The following ECT2 variants were observed in gnomAD, a reference collection of about 807,000 sequenced individuals.
The protein encoded by ECT2 is protein ECT2.
ECT2 carries 61 observed loss-of-function variants against 116.9 expected under a neutral mutation model. The ratio of observed to expected loss-of-function variants is 0.52; its 90% CI spans 0.42 to 0.65. The LOEUF is 0.65. Among genes scored for constraint, ECT2 ranks in the 30% least tolerant of loss-of-function variants. The pLI is 0.00. For missense variants in ECT2, 937 were observed against 1,078.7 expected (o/e 0.87, Z 1.84); for synonymous variants, 358 against 346.4 (o/e 1.03, Z -0.37).
At chr3:172,754,764 C>G (rs1394453533) in intron 2 of ECT2, 104 bp downstream of exon 2, 1 of 814,514 alleles carries the variant, frequency 1.2e-6, no homozygotes, top group Non-Finnish European at 1.9e-6. Flanking sequence ...AATGCTAGAG[C>G]ACAGGTATTA....
intron 18 of ECT2, among the ~76,000 whole-genome samples, chr3:172,789,921 C>G (rs896603314): frequency 2.0e-5 from 3 of 152,212 alleles, no homozygotes; most frequent in African/African-American, 7.2e-5. Flanking sequence ...TTGAACCCCT[C>G]AAAGTCATCC....
chr3:172,799,640 C>T (rs144861775), intron 18 of ECT2, among the ~76,000 whole-genome samples: 1 of 152,288 alleles, frequency 6.6e-6, no homozygotes, highest in Non-Finnish European at 1.5e-5. Flanking sequence ...GCATTCTTTG[C>T]TTTAATTCAA....
rs1715610018 is a variant in ECT2 at position 172,750,804 on chromosome 3, G to A, written c.-76G>A. 1 of 153,090 alleles carries A rather than the reference G, an allele frequency of 6.5e-6. No homozygotes were observed. The highest frequency in any genetic ancestry group is 6.5e-5 in the Admixed American group (1 of 15,298). The allele number at this position is 153,090 out of a possible 1,614,324, so 9.5% of individuals were successfully genotyped here. On this transcript the variant is annotated 5_prime_UTR_variant, in exon 1 of 25. The change creates a new upstream start codon in the 5' untranslated region. Coordinates refer to ENST00000392692, the MANE Select transcript of ECT2 (RefSeq NM_001258315.2). ...CCGCCGGCGAGGAATGGCGGTATTT[G>A]TGAGAGGAGTCGGCGTTTGAAGAGG... is the stretch of plus-strand genomic sequence containing the variant.
In ECT2 at chr3:172,810,647, G is replaced by A. The variant is rs75323491; in HGVS notation, c.2400+2723G>A. Among the ~76,000 whole-genome samples the A allele has an allele frequency of 8.1e-3, 1,237 of 152,220 alleles. 15 individuals carry two copies. The highest frequency in any genetic ancestry group is 0.045 in the South Asian group (215 of 4,816). On this transcript the variant is annotated intron_variant, in intron 22 of 24. Coordinates refer to ENST00000392692, the MANE Select transcript of ECT2 (RefSeq NM_001258315.2). ...GGCACAGGCTAAAGGGAGGGGACAC[G>A]TGATAGTAGATAGGATCTGGGGGTT...
chr3:172,783,527 T>G (rs1484935737), intron 15 of ECT2, among the ~76,000 whole-genome samples: 1 of 152,184 alleles, frequency 6.6e-6, no homozygotes, highest in African/African-American at 2.4e-5. Flanking sequence ...TTGTCATGTT[T>G]GTATCAATAC....
At chr3:172,813,339 T>C (rs775957743) in intron 22 of ECT2, among the ~76,000 whole-genome samples, 32 of 152,054 alleles carry the variant, frequency 2.1e-4, no homozygotes, top group Non-Finnish European at 4.3e-4. Flanking sequence ...CAATTGTTTT[T>C]ACAAATCACA....
intron 1 of ECT2, 199 bp from the exon 2 acceptor site, chr3:172,754,310 A>T: frequency 2.5e-6 from 1 of 406,778 alleles, no homozygotes; most frequent in Non-Finnish European, 4.4e-6. Context: ...TTTTTATTAT[A>T]TTCCTGTGAG....
intron 18 of ECT2, among the ~76,000 whole-genome samples, chr3:172,789,194 A>G (rs947818912): frequency 2.7e-5 from 4 of 149,898 alleles, no homozygotes; most frequent in African/African-American, 9.8e-5. Context: ...TGGCTGTGGT[A>G]ATTGCTTCTC....
At chr3:172,803,537 A>G (rs1727105483) in intron 20 of ECT2, among the ~76,000 whole-genome samples, 1 of 152,194 alleles carries the variant, frequency 6.6e-6, no homozygotes, top group African/African-American at 2.4e-5. Flanking sequence ...AGCAAATTGA[A>G]TTACATGTGT....
intron 13 of ECT2, among the ~76,000 whole-genome samples, chr3:172,771,766 T>G (rs915848902): frequency 1.3e-5 from 2 of 152,196 alleles, no homozygotes; most frequent in Non-Finnish European, 2.9e-5. Context: ...GGGAGAGATT[T>G]TGAAGATCTG....
intron 14 of ECT2, among the ~76,000 whole-genome samples, chr3:172,774,445 C>T (rs555792841): frequency 6.6e-6 from 1 of 151,570 alleles, no homozygotes; most frequent in South Asian, 2.1e-4. Context: ...GTGGTCCACC[C>T]GTCTCGGCCT....
Position 172,773,955 on chromosome 3 carries a change from C to A in ECT2, c.1481C>A (p.Ala494Glu). The A allele has an allele frequency of 6.2e-7, 1 of 1,612,844 alleles. No individual in the cohort carries two copies. ...GGACAACGTGGTGGACCTATCCTTG[C>A]ACCAGAGGAGATTAAGACTATTTTT... is the stretch of plus-strand genomic sequence containing the variant. ...EEGQRGGPILAPEEIKTIFGS... is the reference protein window; with the variant it reads ...EEGQRGGPILEPEEIKTIFGS... The change falls in exon 14 of 25, where the codon GCA (alanine) becomes GAA (glutamate). Residue 494 changes from alanine (A) to glutamate (E), a missense_variant. Coordinates refer to ENST00000392692, the MANE Select transcript of ECT2 (RefSeq NM_001258315.2).
intron 9 of ECT2, 23 bp downstream of exon 9, chr3:172,762,569 A>G: frequency 6.3e-7 from 1 of 1,583,450 alleles, no homozygotes; most frequent in East Asian, 2.2e-5. Context: ...ATAATGTAAA[A>G]GTTATATCTA....
At chr3:172,786,850 A>G (rs1316381385) in intron 18 of ECT2, among the ~76,000 whole-genome samples, 1 of 152,186 alleles carries the variant, frequency 6.6e-6, no homozygotes, top group Non-Finnish European at 1.5e-5. Context: ...TTTTCTTCAT[A>G]TAACTCTAGT....
chr3:172,773,380 G>A (rs192758013), intron 13 of ECT2, among the ~76,000 whole-genome samples: 1 of 151,942 alleles, frequency 6.6e-6, no homozygotes, highest in Admixed American at 6.6e-5. Context: ...GTGTCTTATG[G>A]CCTTGCCAAA....
Position 172,821,469 on chromosome 3 carries a change from A to G in ECT2, c.*1232A>G, listed in dbSNP as rs1730678424. On this transcript the variant is annotated 3_prime_UTR_variant, in exon 25 of 25. Coordinates refer to ENST00000392692, the MANE Select transcript of ECT2 (RefSeq NM_001258315.2). Reference sequence around the variant, plus strand: ...TTTGTAAATAAATACCTAAAACCCAAGTGTATTTTATGTCTCATGTATTAA... The same window carrying G: ...TTTGTAAATAAATACCTAAAACCCAGGTGTATTTTATGTCTCATGTATTAA... 1 of 151,898 alleles carries G rather than the reference A, an allele frequency of 6.6e-6. No individual in the cohort carries two copies. Among genetic ancestry groups the G allele is most frequent in the Admixed American group, 6.6e-5 (1 of 15,240 alleles). 9.4% of individuals were successfully genotyped at this position (151,898 alleles called of 1,614,324 possible).
At chr3:172,798,406 CCAA>C (rs1255783509) in intron 18 of ECT2, among the ~76,000 whole-genome samples, 6 of 152,026 alleles carry the variant, frequency 3.9e-5, no homozygotes, top group Non-Finnish European at 7.4e-5. Context: ...ATGATTCTAT[CCAA>C]CAAGTGCCCT....
chr3:172,759,314 G>C (rs555100939), intron 6 of ECT2, among the ~76,000 whole-genome samples: 2 of 152,220 alleles, frequency 1.3e-5, no homozygotes, highest in South Asian at 2.1e-4. Context: ...CTGTTTGACT[G>C]TCTTGTTACC....
chr3:172,815,757 T>G, intron 23 of ECT2, 46 bp downstream of exon 23: 3 of 1,204,046 alleles, frequency 2.5e-6, no homozygotes, highest in Non-Finnish European at 3.6e-6. Flanking sequence ...TAACATATTT[T>G]CCAGACTATA....
Sources: gnomAD v4.1 joint callset for allele counts (sites outside exome capture counted in the v4.1 genomes callset) on GRCh38, gnomAD v4.1.1 for gene constraint, MANE v1.5 for transcripts, NCBI Gene and HGNC (gene_info 2026-07-23, HGNC 2026-07-21) for gene names.